The following ATRNL1 variants were observed in gnomAD, a reference collection of about 807,000 sequenced individuals.
ATRNL1 encodes attractin like 1.
Under a neutral mutation model 182.7 loss-of-function variants are expected in ATRNL1, and 95 were observed. The ratio of observed to expected loss-of-function variants is 0.52; its 90% CI spans 0.44 to 0.62. ATRNL1 has a LOEUF of 0.62. Ranked by LOEUF, ATRNL1 falls within the 20% of genes least tolerant of loss-of-function variation. The probability of loss-of-function intolerance (pLI) is 0.00; values close to 1 mark genes in which losing one functional copy is unlikely to be tolerated. For synonymous variants in ATRNL1, 576 were observed against 568.3 expected, an observed-to-expected ratio of 1.01 and a Z score of -0.19; for missense variants, 1,471 against 1,679.5, an observed-to-expected ratio of 0.88 and a Z score of 2.17.
At chr10:115,825,341 T>C (rs1331883970) in intron 27 of ATRNL1, among the ~76,000 whole-genome samples, 1 of 152,102 alleles carries the variant, frequency 6.6e-6, no homozygotes, top group East Asian at 1.9e-4. Context: ...GATGACGGGT[T>C]GATGGGTACA....
chr10:115,400,050 C>T (rs1363715168), intron 20 of ATRNL1, among the ~76,000 whole-genome samples: 2 of 151,988 alleles, frequency 1.3e-5, no homozygotes, highest in African/African-American at 4.8e-5. Flanking sequence ...AGTCTAATTT[C>T]TATCATCTAT....
intron 19 of ATRNL1, among the ~76,000 whole-genome samples, chr10:115,353,002 G>T (rs1856334263): frequency 2.0e-5 from 3 of 152,172 alleles, no homozygotes; most frequent in Admixed American, 6.5e-5. Flanking sequence ...CTGTCCTCAA[G>T]AATATTCCAT....
chr10:115,195,242 CTT>C (rs2144262267), intron 8 of ATRNL1, among the ~76,000 whole-genome samples: 1 of 152,144 alleles, frequency 6.6e-6, no homozygotes, highest in Admixed American at 6.6e-5. Context: ...TTAATATCCT[CTT>C]GTTTCACATT....
chr10:115,546,125 T>G (rs1554993616), intron 25 of ATRNL1, among the ~76,000 whole-genome samples: 2 of 152,176 alleles, frequency 1.3e-5, no homozygotes, highest in African/African-American at 4.8e-5. Flanking sequence ...TCATGAACAT[T>G]ATTAATGGTT....
At position 115,683,548 on chromosome 10, in the gene ATRNL1, G is replaced by GTTTTTTTTT. The variant is rs59383182; in HGVS notation, c.3796-43692_3796-43684dup. Reference sequence around the variant, plus strand: ...ATATGGGAAGAAGAAGAGAACTAGCGTTTTTTTTTTTTTTTTGCATGCCTA... The same window carrying GTTTTTTTTT: ...ATATGGGAAGAAGAAGAGAACTAGCGTTTTTTTTTTTTTTTTTTTTTTTTTGCATGCCTA... On this transcript the variant is annotated intron_variant, in intron 26 of 28. Coordinates refer to ENST00000355044, the MANE Select transcript of ATRNL1 (RefSeq NM_207303.4). 3.0e-4 allele frequency among the ~76,000 whole-genome samples: 33 copies of GTTTTTTTTT among 110,948 alleles called. 3 individuals are homozygous for GTTTTTTTTT. The highest frequency in any genetic ancestry group is 1.7e-3 in the East Asian group (5 of 2,910). 72.8% of individuals were successfully genotyped at this position (110,948 alleles called of 152,430 possible).
At chr10:115,464,209 CTT>C (rs1847946209) in intron 22 of ATRNL1, among the ~76,000 whole-genome samples, 1 of 151,928 alleles carries the variant, frequency 6.6e-6, no homozygotes, top group South Asian at 2.1e-4. Flanking sequence ...GTGTAACCCT[CTT>C]TAATTAAAGA....
chr10:115,251,549 T>C (rs149369198), intron 10 of ATRNL1, among the ~76,000 whole-genome samples: 287 of 152,256 alleles, frequency 1.9e-3, no homozygotes, highest in Non-Finnish European at 2.6e-3. Context: ...CTTTGGTCTA[T>C]GGAGGAAAGC....
intron 26 of ATRNL1, among the ~76,000 whole-genome samples, chr10:115,614,293 G>T (rs1000132481): frequency 6.6e-6 from 1 of 151,954 alleles, no homozygotes; most frequent in Non-Finnish European, 1.5e-5. Context: ...TCTTTCTGGA[G>T]CATGTTGCTT....
chr10:115,658,792 T>C (rs1860495167), intron 26 of ATRNL1, among the ~76,000 whole-genome samples: 1 of 152,180 alleles, frequency 6.6e-6, no homozygotes, highest in Non-Finnish European at 1.5e-5. Context: ...CATTCTCATA[T>C]TGCTAATAAA....
At chr10:115,564,526 A>T (rs1247304716) in intron 26 of ATRNL1, among the ~76,000 whole-genome samples, 1 of 151,914 alleles carries the variant, frequency 6.6e-6, no homozygotes, top group Non-Finnish European at 1.5e-5. Context: ...TTATTCTATT[A>T]ATGGAAGAGA....
At chr10:115,107,013 C>G (rs113503920) in intron 1 of ATRNL1, among the ~76,000 whole-genome samples, 24 of 152,274 alleles carry the variant, frequency 1.6e-4, no homozygotes, top group African/African-American at 5.5e-4. Flanking sequence ...GCATTCAAAT[C>G]TCATCCTTTT....
intron 27 of ATRNL1, among the ~76,000 whole-genome samples, chr10:115,767,513 G>A (rs1948886130): frequency 6.6e-6 from 1 of 152,072 alleles, no homozygotes; most frequent in South Asian, 2.1e-4. Context: ...CCCCTGTTGA[G>A]TGCCACATCA....
intron 27 of ATRNL1, among the ~76,000 whole-genome samples, chr10:115,752,114 T>A (rs2907527): frequency 1.2e-3 from 185 of 152,088 alleles, no homozygotes; most frequent in African/African-American, 4.2e-3. Context: ...TGACTGAATC[T>A]TATGAGAATT....
At chr10:115,235,158 TG>T (rs1189385169) in intron 9 of ATRNL1, among the ~76,000 whole-genome samples, 7 of 152,226 alleles carry the variant, frequency 4.6e-5, no homozygotes, top group African/African-American at 1.4e-4. Context: ...TTTGTATTTT[TG>T]TTAGGAATAC....
At chr10:115,659,869 T>C (rs1860566420) in intron 26 of ATRNL1, among the ~76,000 whole-genome samples, 1 of 152,084 alleles carries the variant, frequency 6.6e-6, no homozygotes, top group East Asian at 1.9e-4. Flanking sequence ...ATTTGAGTAA[T>C]GAAAGGTAAC....
chr10:115,459,391 C>T (rs1344601234), intron 21 of ATRNL1, among the ~76,000 whole-genome samples: 9 of 152,130 alleles, frequency 5.9e-5, no homozygotes, highest in Admixed American at 5.2e-4. Context: ...TTTTTCTCAG[C>T]ATGGAAAGTC....
chr10:115,535,080 T>A (rs1554989784), intron 25 of ATRNL1, among the ~76,000 whole-genome samples: 1 of 150,768 alleles, frequency 6.6e-6, no homozygotes. Flanking sequence ...CTGACAATTA[T>A]GTGTCTTGGA....
intron 28 of ATRNL1, among the ~76,000 whole-genome samples, chr10:115,858,180 C>A (rs1454587812): frequency 1.3e-5 from 2 of 152,310 alleles, no homozygotes; most frequent in Admixed American, 6.5e-5. Flanking sequence ...ACCCAGCAAT[C>A]CCATTGCTGA....
At position 115,268,351 on chromosome 10, in the gene ATRNL1, A is replaced by T; in HGVS notation, c.2007A>T (p.Arg669Ser). 1.2e-6 allele frequency: 2 copies of T among 1,612,978 alleles called. No homozygotes were observed. The highest frequency in any genetic ancestry group is 1.7e-6 in the Non-Finnish European group (2 of 1,179,108). The change falls in exon 13 of 29, where the codon AGA becomes AGT. Residue 669 changes from arginine (R) to serine (S), a missense_variant. Around this residue, in one of 3 missense-constraint regions of ATRNL1, gnomAD observed 1,031 missense variants for 1,156.0 expected, o/e 0.89. Transcript: ENST00000355044. ...CTGCTTCTGATGACAGATGTTACAG[A>T]TATGCAGATTGTGCCAGCTGTACTG... ...KTAASDDRCY[R>S]YADCASCTAN...
Sources: gnomAD v4.1 joint callset for allele counts (sites outside exome capture counted in the v4.1 genomes callset) on GRCh38, gnomAD v4.1.1 for gene constraint, gnomAD v4.1.1 regional missense constraint, MANE v1.5 for transcripts, NCBI Gene and HGNC (gene_info 2026-07-23, HGNC 2026-07-21) for gene names.